The following POLQ variants were observed in gnomAD, a reference collection of about 807,000 sequenced individuals.
POLQ encodes epididymis secretory sperm binding protein.
A neutral mutation model predicts 259.2 loss-of-function variants in POLQ; 233 were observed. The observed-to-expected ratio is 0.90, with a 90% CI of 0.81 to 1.00. POLQ has a LOEUF of 1.00. Among genes scored for constraint, POLQ ranks in the 50% least tolerant of loss-of-function variants. The probability of loss-of-function intolerance (pLI) is 0.00; values close to 1 mark genes in which losing one functional copy is unlikely to be tolerated. For synonymous variants in POLQ, 1,025 were observed against 1,048.8 expected (o/e 0.98, Z 0.44); for missense variants, 2,871 against 3,051.6 (o/e 0.94, Z 1.39).
At chr3:121,494,217 A>C (rs1311951589) in intron 14 of POLQ, 1 of 1,483,004 alleles carries the variant, frequency 6.7e-7, no homozygotes, top group Non-Finnish European at 9.3e-7. Context: ...AAAAGGCCTA[A>C]GAATTTTGGC....
chr3:121,499,123 C>CA (rs1206282603), intron 12 of POLQ, among the ~76,000 whole-genome samples: 2 of 152,040 alleles, frequency 1.3e-5, no homozygotes, highest in African/African-American at 4.8e-5. Flanking sequence ...AATAAAAAGA[C>CA]AAAGGCCTCA....
rs2048378065 is a variant in POLQ at position 121,526,946 on chromosome 3, C to T, written c.1108+2699G>A. On this transcript the variant is annotated intron_variant, in intron 7 of 29. Transcript: ENST00000264233. The stretch of plus-strand genomic sequence containing the variant: ...ACAGGATCTCACTCTGCCACCCAGA[C>T]TGAGCTGAGCACAGTGGCACGATCA... Among the ~76,000 whole-genome samples, 5 of 152,168 alleles carry T rather than the reference C, an allele frequency of 3.3e-5. No individual in the cohort carries two copies. The South Asian group carries it at 1.0e-3, about 31-fold the overall frequency.
At chr3:121,530,842 C>T (rs2048406027) in intron 6 of POLQ, among the ~76,000 whole-genome samples, 1 of 152,206 alleles carries the variant, frequency 6.6e-6, no homozygotes, top group South Asian at 2.1e-4. Context: ...AAAAAAAGCT[C>T]TACCCTCATA....
chr3:121,487,247 TCA>T (rs1271022625), intron 16 of POLQ, 53 bp downstream of exon 16: 4 of 914,614 alleles, frequency 4.4e-6, no homozygotes, highest in Non-Finnish European at 4.9e-6. Context: ...AACTCTTATC[TCA>T]GTCTACTAAG....
Position 121,511,910 on chromosome 3 carries a change from T to C in POLQ, c.1588A>G (p.Ser530Gly). The C allele has an allele frequency of 6.2e-7, 1 of 1,613,878 alleles. No individual in the cohort carries two copies. Residue 530 changes from serine (S) to glycine (G), a missense_variant, in exon 10 of 30, where the codon AGC becomes GGC. Physicochemically the swap from Ser to Gly is moderately conservative, Grantham distance 56. Transcript: ENST00000264233. ...ACCTCCAGAATAGCTCGTATCATGC[T>C]GCCAGTTACTTCTTCTCCTTCTCGT... ...QRREGEEVTG[S>G]MIRAILEIIV...
chr3:121,448,749 T>G (rs1410355599), intron 26 of POLQ, among the ~76,000 whole-genome samples: 1 of 152,184 alleles, frequency 6.6e-6, no homozygotes, highest in South Asian at 2.1e-4. Context: ...AAGAACTTTT[T>G]GGGATGATAG....
At chr3:121,451,528 T>A (rs1431776751) in intron 25 of POLQ, among the ~76,000 whole-genome samples, 1 of 152,202 alleles carries the variant, frequency 6.6e-6, no homozygotes, top group African/African-American at 2.4e-5. Context: ...CAGGTGCAGG[T>A]CTGTTGGAGT....
At chr3:121,531,080 G>A (rs530263080) in intron 6 of POLQ, among the ~76,000 whole-genome samples, 7 of 152,190 alleles carry the variant, frequency 4.6e-5, no homozygotes, top group African/African-American at 1.2e-4. Flanking sequence ...CCAGCTACTC[G>A]GGAGGCTGAG....
chr3:121,541,717 T>C (rs2048491376), intron 2 of POLQ, among the ~76,000 whole-genome samples: 1 of 152,216 alleles, frequency 6.6e-6, no homozygotes, highest in African/African-American at 2.4e-5. Context: ...TGATGAATAC[T>C]ACTGAGTACC....
Position 121,522,079 on chromosome 3 carries a change from C to T in POLQ, c.1179G>A (p.Gln393=), listed in dbSNP as rs748156320. 3.1e-6 allele frequency: 5 copies of T among 1,611,158 alleles called. No homozygotes were observed. Among genetic ancestry groups the T allele is most frequent in the South Asian group, 1.1e-5 (1 of 90,806 alleles). The part of the protein sequence containing the change: ...EQKELLEVMD[Q]LRRLPSGLDS... Reference sequence around the variant, plus strand: ...CCAGTCCTGAAGGCAAACGTCTTAACTGATCCATCACTTCCAGGAGTTCTT... The same window carrying T: ...CCAGTCCTGAAGGCAAACGTCTTAATTGATCCATCACTTCCAGGAGTTCTT... Residue 393 remains glutamine, a synonymous_variant, in exon 8 of 30, where the codon CAG becomes CAA. Coordinates refer to ENST00000264233, the MANE Select transcript of POLQ (RefSeq NM_199420.4).
chr3:121,507,862 T>C (rs1560102610), intron 12 of POLQ, among the ~76,000 whole-genome samples: 2 of 152,164 alleles, frequency 1.3e-5, no homozygotes, highest in East Asian at 3.8e-4. Context: ...ATTTTTTTGC[T>C]TGTTTTTAAG....
chr3:121,506,279 CAAAACA>C (rs61483450), intron 12 of POLQ, among the ~76,000 whole-genome samples: 7 of 150,214 alleles, frequency 4.7e-5, no homozygotes, highest in South Asian at 2.1e-4. Flanking sequence ...AAAAACAAAA[CAAAACA>C]AAAACAAAAA....
chr3:121,496,993 G>C, intron 13 of POLQ, 61 bp from the exon 14 acceptor site: 2 of 1,566,404 alleles, frequency 1.3e-6, no homozygotes, highest in Admixed American at 1.9e-5. Flanking sequence ...GCGATACAGT[G>C]TGTTGAAAAA....
intron 12 of POLQ, among the ~76,000 whole-genome samples, chr3:121,506,372 T>C (rs2048209224): frequency 6.6e-6 from 1 of 152,090 alleles, no homozygotes; most frequent in Admixed American, 6.6e-5. Flanking sequence ...GGGAGCCCTG[T>C]ACCCATTAGC....
intron 10 of POLQ, 83 bp downstream of exon 10, chr3:121,511,804 A>G (rs949158597): frequency 9.1e-7 from 1 of 1,095,280 alleles, no homozygotes; most frequent in Admixed American, 2.4e-5. Context: ...AAATAAATAA[A>G]TAAAGCTAAG....
rs2048043199 is a variant in POLQ, at chr3:121,489,320, G to A, written c.3611C>T (p.Thr1204Ile). The change falls in exon 16 of 30, where the codon ACA becomes ATA. Residue 1204 changes from threonine to isoleucine, a missense_variant. Coordinates refer to ENST00000264233, the MANE Select transcript of POLQ (RefSeq NM_199420.4). ...QYLRKQSHEQ[T>I]STITKQKNII... ...ATTTTTCTGTTTGGTAATAGTGCTT[G>A]TCTGTTCATGAGATTGCTTTCGCAG... is the stretch of plus-strand genomic sequence containing the variant. The A allele has an allele frequency of 3.1e-6, 5 of 1,613,406 alleles. No homozygotes were observed. Among genetic ancestry groups the A allele is most frequent in the African/African-American group, 1.3e-5 (1 of 74,898 alleles).
chr3:121,468,314 GGAA>G lies in POLQ; in HGVS notation c.6833_6835del (p.Leu2278del), dbSNP rs774649460. The G allele has an allele frequency of 3.7e-6, 6 of 1,611,856 alleles. No homozygotes were observed. ...GAGAAACAGCACCTACCTGCCCATGGGAAGTAGGCCTTTGCCTACAGCTTGAGA... is the reference window on the plus strand; with the variant it reads ...GAGAAACAGCACCTACCTGCCCATGGGTAGGCCTTTGCCTACAGCTTGAGA... On this transcript the variant is annotated inframe_deletion, in exon 23 of 30. Coordinates refer to ENST00000264233, the MANE Select transcript of POLQ (RefSeq NM_199420.4).
Position 121,487,371 on chromosome 3 carries a change from G to A in POLQ, c.5560C>T (p.Leu1854=), listed in dbSNP as rs752357893. The change falls in exon 16 of 30, where the codon CTG becomes TTG. Residue 1854 remains leucine, a synonymous_variant. Coordinates refer to ENST00000264233, the MANE Select transcript of POLQ (RefSeq NM_199420.4). Reference sequence around the variant, plus strand: ...AAACTTCTAATCTTTTCACAAGCCAGTGAGATGGAAAATCGCTTTTTGCAC... The same window carrying A: ...AAACTTCTAATCTTTTCACAAGCCAATGAGATGGAAAATCGCTTTTTGCAC... The part of the protein sequence containing the change: ...WRCKKRFSIS[L]ACEKIRSLTS... The A allele has an allele frequency of 5.6e-6, 9 of 1,613,880 alleles. No individual in the cohort carries two copies. In the Admixed American group the frequency reaches 1.2e-4, roughly 21 times the overall value.
In POLQ at chr3:121,509,626, A is replaced by T. The variant is rs372070528; in HGVS notation, c.1894T>A (p.Phe632Ile). The T allele has an allele frequency of 6.2e-7, 1 of 1,613,824 alleles. No homozygotes were observed. Among genetic ancestry groups the T allele is most frequent in the Non-Finnish European group, 8.5e-7 (1 of 1,179,806 alleles). ...SLSPADTLDI[F>I]ADLQRAMKGF... ...TTCATTGCTCTTTGCAGGTCAGCAA[A>T]AATATCTAAAGTATCAGCTGGAGAA... is the stretch of plus-strand genomic sequence containing the variant. The change falls in exon 12 of 30, where the codon TTT (phenylalanine) becomes ATT (isoleucine). Residue 632 changes from phenylalanine (F) to isoleucine (I), a missense_variant. Physicochemically the swap from Phe to Ile is conservative, Grantham distance 21. Around this residue, in one of 3 missense-constraint regions of POLQ, gnomAD observed 783 missense variants for 906.2 expected, o/e 0.86. Transcript: ENST00000264233.
Sources: allele counts gnomAD v4.1 joint callset (sites outside exome capture counted in the v4.1 genomes callset), GRCh38; gene constraint gnomAD v4.1.1; regional missense constraint gnomAD v4.1.1; transcripts MANE v1.5; gene names NCBI Gene and HGNC (gene_info 2026-07-23, HGNC 2026-07-21).